The following DAB1 variants were observed in gnomAD, a reference collection of about 807,000 sequenced individuals.
DAB1 encodes disabled homolog 1.
In DAB1, 15 loss-of-function variants were observed where a neutral mutation model predicts 64.6. The observed-to-expected ratio is 0.23, with a 90% CI of 0.16 to 0.36. DAB1 has a LOEUF of 0.36. DAB1 is among the 10% of genes least tolerant of loss of function. DAB1 has a pLI of 1.00. For missense variants in DAB1, 596 were observed against 706.7 expected, an observed-to-expected ratio of 0.84 and a Z score of 1.78; for synonymous variants, 235 against 251.9, an observed-to-expected ratio of 0.93 and a Z score of 0.64.
At chr1:57,290,497 C>T (rs1488340358) in intron 2 of DAB1, among the ~76,000 whole-genome samples, 9 of 151,998 alleles carry the variant, frequency 5.9e-5, no homozygotes, top group Admixed American at 5.2e-4. Context: ...CTGGTACAGG[C>T]GATGATGAAC....
intron 4 of DAB1, among the ~76,000 whole-genome samples, chr1:58,268,943 C>T (rs571593199): frequency 1.3e-5 from 2 of 152,186 alleles, no homozygotes; most frequent in East Asian, 3.9e-4. Context: ...AATTAAAAGC[C>T]CAGAAATAAA....
chr1:57,460,647 C>G (rs1020200318), intron 7 of DAB1, among the ~76,000 whole-genome samples: 62 of 152,286 alleles, frequency 4.1e-4, no homozygotes, highest in Non-Finnish European at 2.9e-5. Context: ...ATTAATATAA[C>G]AGCAGGGGAG....
At chr1:57,948,719 T>A (rs1238153335) in intron 5 of DAB1, among the ~76,000 whole-genome samples, 1 of 152,172 alleles carries the variant, frequency 6.6e-6, no homozygotes, top group East Asian at 1.9e-4. Flanking sequence ...TGGGGAAGGA[T>A]ATGTTCTCTC....
At chr1:58,030,529 G>T (rs934237715) in intron 5 of DAB1, among the ~76,000 whole-genome samples, 35 of 152,168 alleles carry the variant, frequency 2.3e-4, no homozygotes, top group African/African-American at 8.4e-4. Context: ...ACCGGTCACT[G>T]ATCTGTAAAA....
intron 6 of DAB1, among the ~76,000 whole-genome samples, chr1:57,793,732 G>C (rs1427912360): frequency 6.6e-6 from 1 of 152,184 alleles, no homozygotes; most frequent in Non-Finnish European, 1.5e-5. Flanking sequence ...TTCCATTTTT[G>C]TAAAACAAGG....
intron 9 of DAB1, among the ~76,000 whole-genome samples, chr1:57,046,147 G>A (rs892412902): frequency 6.6e-6 from 1 of 152,200 alleles, no homozygotes; most frequent in East Asian, 1.9e-4. Flanking sequence ...ATAGATGCAA[G>A]CCTTACAAAA....
At position 57,695,238 on chromosome 1, in the gene DAB1, GAAGA is replaced by G. The variant is rs1172189775; in HGVS notation, n.552-45577_552-45574del. On this transcript the variant is annotated intron_variant and non_coding_transcript_variant, in intron 6 of 20. Coordinates refer to the DAB1 transcript ENST00000485760. ...GACCCTGTTTCTCTAAGAAAGAAAG[GAAGA>G]AAGAAAGAAAGAAAGAAGGAAGGAA... Among the ~76,000 whole-genome samples, 378 of 58,886 alleles carry G rather than the reference GAAGA, an allele frequency of 6.4e-3. 25 individuals carry two copies. Among genetic ancestry groups the G allele is most frequent in the East Asian group, 0.048 (33 of 694 alleles). 38.6% of individuals were successfully genotyped at this position (58,886 alleles called of 152,430 possible).
chr1:58,029,559 C>A (rs1446513108), intron 5 of DAB1, among the ~76,000 whole-genome samples: 3 of 152,164 alleles, frequency 2.0e-5, no homozygotes, highest in African/African-American at 7.2e-5. Flanking sequence ...CAAAAGAGGC[C>A]AGACTCATCC....
At chr1:58,078,747 C>A (rs1649803501) in intron 5 of DAB1, among the ~76,000 whole-genome samples, 1 of 152,048 alleles carries the variant, frequency 6.6e-6, no homozygotes, top group Non-Finnish European at 1.5e-5. Context: ...GAACATAATG[C>A]CAAATCACTT....
At chr1:58,179,284 A>T (rs1386371768) in intron 4 of DAB1, among the ~76,000 whole-genome samples, 1 of 151,996 alleles carries the variant, frequency 6.6e-6, no homozygotes, top group East Asian at 1.9e-4. Flanking sequence ...AGGAATATGG[A>T]TCTACTGTTT....
At chr1:57,659,461 A>G (rs1646359029) in intron 6 of DAB1, among the ~76,000 whole-genome samples, 1 of 152,164 alleles carries the variant, frequency 6.6e-6, no homozygotes, top group African/African-American at 2.4e-5. Context: ...ACGTACCAGG[A>G]GCAGCTGGGG....
At chr1:58,399,732 C>G (rs1421150538) in intron 3 of DAB1, among the ~76,000 whole-genome samples, 1 of 152,160 alleles carries the variant, frequency 6.6e-6, no homozygotes, top group Non-Finnish European at 1.5e-5. Context: ...CGAATGCATG[C>G]CCAACACTTT....
intron 5 of DAB1, among the ~76,000 whole-genome samples, chr1:58,029,755 CAATA>C (rs1195606036): frequency 6.6e-6 from 1 of 151,852 alleles, no homozygotes; most frequent in Non-Finnish European, 1.5e-5. Context: ...ATTTTAGCTT[CAATA>C]AATAATGGGT....
intron 1 of DAB1, among the ~76,000 whole-genome samples, chr1:57,336,499 C>T (rs1384269900): frequency 6.6e-6 from 1 of 152,200 alleles, no homozygotes; most frequent in Non-Finnish European, 1.5e-5. Context: ...GAACTCACAG[C>T]AACACTAGGA....
chr1:57,086,755 C>T (rs1653130189), intron 4 of DAB1, among the ~76,000 whole-genome samples: 1 of 151,804 alleles, frequency 6.6e-6, no homozygotes, highest in South Asian at 2.1e-4. Context: ...CAATGTGCCT[C>T]TTTGTTTAAT....
chr1:58,074,513 A>AAT (rs1407171382), intron 5 of DAB1: 1 of 116,230 alleles, frequency 8.6e-6, no homozygotes, highest in Non-Finnish European at 1.9e-5. Context: ...GGAAGATTCT[A>AAT]ATATATATAC....
intron 5 of DAB1, among the ~76,000 whole-genome samples, chr1:57,915,129 T>TAA (rs11321322): frequency 4.0e-3 from 468 of 117,330 alleles, no homozygotes; most frequent in African/African-American, 6.4e-3. Flanking sequence ...CTTTAAATCA[T>TAA]AAAAAAAAAA....
At chr1:58,266,221 G>A (rs1050954798) in intron 4 of DAB1, among the ~76,000 whole-genome samples, 2 of 152,214 alleles carry the variant, frequency 1.3e-5, no homozygotes, top group Admixed American at 6.5e-5. Context: ...AACAAATACG[G>A]CCTAGCATCC....
rs539171460 is a variant in DAB1, at chr1:57,549,025, A to G, written n.625+100567T>C. On this transcript the variant is annotated intron_variant and non_coding_transcript_variant, in intron 7 of 20. Transcript: ENST00000485760. The stretch of plus-strand genomic sequence containing the variant: ...GGCTCCAGAGCCTATACTCTAGTCC[A>G]GTGTTTTATATTGCCTCTCAAAGAA... Among the ~76,000 whole-genome samples, 12 of 152,284 alleles carry G rather than the reference A, an allele frequency of 7.9e-5. No homozygotes were observed. In the East Asian group the frequency reaches 2.3e-3, roughly 29 times the overall value.
Sources: gnomAD v4.1 joint callset for allele counts (sites outside exome capture counted in the v4.1 genomes callset) on GRCh38, gnomAD v4.1.1 for gene constraint, MANE v1.5 for transcripts, NCBI Gene and HGNC (gene_info 2026-07-23, HGNC 2026-07-21) for gene names.